EYS: variants seen among roughly 807,000 people sequenced by gnomAD.
EYS encodes EGF-like photoreceptor maintenance factor.
Under a neutral mutation model 282.1 loss-of-function variants are expected in EYS, and 250 were observed. The ratio of observed to expected loss-of-function variants is 0.89; its 90% CI spans 0.80 to 0.98. The LOEUF (loss-of-function observed/expected upper bound fraction) is 0.98, where lower values mean the gene tolerates loss of function less well. EYS is among the 50% of genes least tolerant of loss of function. The probability of loss-of-function intolerance (pLI) is 0.00; values close to 1 mark genes in which losing one functional copy is unlikely to be tolerated. For synonymous variants in EYS, 1,355 were observed against 1,282.9 expected (o/e 1.06, Z -1.20); for missense variants, 4,016 against 3,709.0 (o/e 1.08, Z -2.15).
intron 1 of EYS, among the ~76,000 whole-genome samples, chr6:65,668,501 A>G (rs953507445): frequency 6.6e-6 from 1 of 151,864 alleles, no homozygotes; most frequent in South Asian, 2.1e-4. Context: ...TTCACTCTAC[A>G]ATGACAGGAT....
chr6:63,889,522 T>C (rs930160071), intron 35 of EYS, among the ~76,000 whole-genome samples: 2 of 151,712 alleles, frequency 1.3e-5, no homozygotes, highest in African/African-American at 4.8e-5. Context: ...AGCCAAACTA[T>C]GCTTCATAAG....
At chr6:65,457,562 C>T (rs1443097432) in intron 5 of EYS, among the ~76,000 whole-genome samples, 1 of 152,134 alleles carries the variant, frequency 6.6e-6, no homozygotes, top group Non-Finnish European at 1.5e-5. Flanking sequence ...CTTGGAATAT[C>T]ATCTGAAACT....
At chr6:63,798,989 A>ATATATT (rs1255129069) in intron 37 of EYS, among the ~76,000 whole-genome samples, 1 of 105,554 alleles carries the variant, frequency 9.5e-6, no homozygotes, top group East Asian at 2.4e-4. Context: ...ATATGTGTGT[A>ATATATT]TATATATATA....
At chr6:64,027,622 G>T (rs906057069) in intron 33 of EYS, among the ~76,000 whole-genome samples, 8 of 152,168 alleles carry the variant, frequency 5.3e-5, no homozygotes, top group Non-Finnish European at 1.5e-5. Context: ...AAATGGAGCA[G>T]GCCAATCACC....
chr6:63,878,351 G>A (rs182809414), intron 35 of EYS, among the ~76,000 whole-genome samples: 1 of 152,222 alleles, frequency 6.6e-6, no homozygotes, highest in East Asian at 1.9e-4. Flanking sequence ...TCGTTTCAGA[G>A]GGGCACCTGG....
At chr6:64,718,811 CAT>C (rs779181829) in intron 22 of EYS, among the ~76,000 whole-genome samples, 2 of 152,192 alleles carry the variant, frequency 1.3e-5, no homozygotes, top group Non-Finnish European at 2.9e-5. Context: ...GTACTTAATA[CAT>C]GTTAGATATT....
At chr6:63,996,675 G>A (rs139281180) in intron 34 of EYS, among the ~76,000 whole-genome samples, 102 of 152,232 alleles carry the variant, frequency 6.7e-4, no homozygotes, top group African/African-American at 2.4e-3. Context: ...CCAAATAGCT[G>A]TGTGATCTTG....
At chr6:64,651,343 T>A (rs1768552538) in intron 22 of EYS, among the ~76,000 whole-genome samples, 1 of 152,216 alleles carries the variant, frequency 6.6e-6, no homozygotes, top group African/African-American at 2.4e-5. Context: ...TCTGTATATA[T>A]GTGCAGTTCA....
At chr6:65,672,639 A>G (rs1486231155) in intron 1 of EYS, among the ~76,000 whole-genome samples, 1 of 152,164 alleles carries the variant, frequency 6.6e-6, no homozygotes, top group Admixed American at 6.5e-5. Context: ...ATCTCCAGAA[A>G]TAAGTCCTAA....
At chr6:64,141,072 T>C (rs1774323124) in intron 31 of EYS, among the ~76,000 whole-genome samples, 2 of 152,230 alleles carry the variant, frequency 1.3e-5, no homozygotes, top group Non-Finnish European at 2.9e-5. Context: ...ATTTTATAAT[T>C]TTCATTCCCA....
intron 22 of EYS, among the ~76,000 whole-genome samples, chr6:64,664,303 T>C (rs1001661922): frequency 3.9e-5 from 6 of 152,210 alleles, no homozygotes; most frequent in African/African-American, 1.4e-4. Context: ...ACTATTTCTT[T>C]ACCTCCTGTT....
intron 26 of EYS, among the ~76,000 whole-genome samples, chr6:64,478,506 T>G (rs1318783832): frequency 6.6e-6 from 1 of 151,654 alleles, no homozygotes; most frequent in South Asian, 2.1e-4. Context: ...AATTTTTTCA[T>G]AATATTAAAT....
chr6:65,160,123 G>C (rs932679806), intron 12 of EYS, among the ~76,000 whole-genome samples: 1 of 150,390 alleles, frequency 6.6e-6, no homozygotes. Context: ...TTTTTTGTTT[G>C]TTTTCTTTTG....
At chr6:64,945,569 T>C (rs1472935186) in intron 15 of EYS, among the ~76,000 whole-genome samples, 2 of 152,080 alleles carry the variant, frequency 1.3e-5, no homozygotes, top group African/African-American at 2.4e-5. Context: ...TATTGGAACA[T>C]TGCATTTTCA....
intron 32 of EYS, among the ~76,000 whole-genome samples, chr6:64,074,836 A>G (rs1023367280): frequency 6.6e-6 from 1 of 151,938 alleles, no homozygotes; most frequent in African/African-American, 2.4e-5. Flanking sequence ...ACATAGATAT[A>G]CATTTCAAAC....
intron 31 of EYS, among the ~76,000 whole-genome samples, chr6:64,205,337 C>A (rs1278080160): frequency 6.6e-6 from 1 of 152,066 alleles, no homozygotes; most frequent in Admixed American, 6.6e-5. Context: ...GCACTTTGAT[C>A]TTTATAATCA....
At chr6:65,594,898 C>T (rs1765353062) in intron 2 of EYS, among the ~76,000 whole-genome samples, 2 of 152,164 alleles carry the variant, frequency 1.3e-5, no homozygotes, top group South Asian at 4.2e-4. Context: ...CCAGTTTTCC[C>T]AGCACCATTT....
At chr6:65,492,985 C>T (rs1766103471) in intron 4 of EYS, among the ~76,000 whole-genome samples, 2 of 152,136 alleles carry the variant, frequency 1.3e-5, no homozygotes, top group South Asian at 2.1e-4. Context: ...GGCGCGATCT[C>T]AGCTCACTAC....
Position 65,057,648 on chromosome 6 carries a change from A to T in EYS, c.2103T>A (p.Gly701=). ...KNGATCIDQP[G]NYFCQCVPPF... is the part of the protein sequence containing the mutation. ...GAGGCACACACTGGCAGAAGTAATT[A>T]CCAGGTTGGTCAATGCAGGTGGCTC... Residue 701 remains glycine, a synonymous_variant, in exon 13 of 43, where the codon GGT becomes GGA. Transcript: ENST00000503581. The T allele has an allele frequency of 1.0e-5, 16 of 1,550,752 alleles. No individual in the cohort carries two copies. Among genetic ancestry groups the T allele is most frequent in the Non-Finnish European group, 1.4e-5 (16 of 1,146,278 alleles).
Sources: allele counts gnomAD v4.1 joint callset (sites outside exome capture counted in the v4.1 genomes callset), GRCh38; gene constraint gnomAD v4.1.1; transcripts MANE v1.5; gene names NCBI Gene and HGNC (gene_info 2026-07-23, HGNC 2026-07-21).